ST18: variants seen among roughly 807,000 people sequenced by gnomAD.
The protein encoded by ST18 is suppression of tumorigenicity 18 protein.
In ST18, 50 loss-of-function variants were observed where a neutral mutation model predicts 110.0. The observed-to-expected ratio is 0.45, with a 90% CI of 0.36 to 0.58. ST18 has a LOEUF of 0.58. Among genes scored for constraint, ST18 ranks in the 20% least tolerant of loss-of-function variants. ST18 has a pLI of 0.00. For synonymous variants in ST18, 461 were observed against 452.4 expected, an observed-to-expected ratio of 1.02 and a Z score of -0.24; for missense variants, 1,306 against 1,280.1, an observed-to-expected ratio of 1.02 and a Z score of -0.31.
chr8:52,121,758 G>C (rs967870406), intron 23 of ST18, among the ~76,000 whole-genome samples: 2 of 152,192 alleles, frequency 1.3e-5, no homozygotes, highest in African/African-American at 2.4e-5. Flanking sequence ...GGTGTGCCCT[G>C]ATGTTTACAG....
At chr8:52,350,724 CTTT>C (rs111934110) in intron 2 of ST18, among the ~76,000 whole-genome samples, 1 of 144,124 alleles carries the variant, frequency 6.9e-6, no homozygotes. Flanking sequence ...TATATATATA[CTTT>C]TTTTTTTTTT....
chr8:52,298,330 G>A (rs1051243781), intron 2 of ST18, among the ~76,000 whole-genome samples: 2 of 152,160 alleles, frequency 1.3e-5, no homozygotes, highest in African/African-American at 4.8e-5. Context: ...CACATTCAAA[G>A]CATGGAATAT....
chr8:52,211,376 TA>T (rs772133555), intron 8 of ST18, among the ~76,000 whole-genome samples: 2 of 126,938 alleles, frequency 1.6e-5, no homozygotes, highest in Non-Finnish European at 3.4e-5. Context: ...TGGAATCATC[TA>T]ATTATTATTA....
Position 52,132,158 on chromosome 8 carries a change from A to T in ST18, c.2466T>A (p.Asp822Glu), listed in dbSNP as rs1311390477. 20 of 1,612,648 alleles carry T rather than the reference A, an allele frequency of 1.2e-5. No individual in the cohort carries two copies. The highest frequency in any genetic ancestry group is 1.7e-5 in the Non-Finnish European group (20 of 1,179,696). Reference sequence around the variant, plus strand: ...ATTTACCTGATATGTGACCTTGGCCATCACACCCTATCACAGGACATCTAG... The same window carrying T: ...ATTTACCTGATATGTGACCTTGGCCTTCACACCCTATCACAGGACATCTAG... ...PELKCPVIGC[D>E]GQGHISGKYT... Residue 822 changes from aspartate (D) to glutamate (E), a missense_variant, in exon 22 of 26, where the codon GAT (aspartate) becomes GAA (glutamate). Transcript: ENST00000689386.
intron 2 of ST18, chr8:52,294,521 A>C (rs1341244331): frequency 6.6e-6 from 1 of 152,282 alleles, no homozygotes; most frequent in Non-Finnish European, 1.5e-5. Flanking sequence ...CCAGGGACCA[A>C]GGCTTCGGAG....
chr8:52,236,266 A>G (rs186671632), intron 2 of ST18, among the ~76,000 whole-genome samples: 1 of 152,328 alleles, frequency 6.6e-6, no homozygotes, highest in East Asian at 1.9e-4. Context: ...ATTATTCCCA[A>G]CTTAAGGTGA....
At chr8:52,227,738 A>T (rs943423779) in intron 3 of ST18, among the ~76,000 whole-genome samples, 1 of 152,140 alleles carries the variant, frequency 6.6e-6, no homozygotes, top group Non-Finnish European at 1.5e-5. Context: ...GTGATTTGTC[A>T]TTCATATTGT....
At chr8:52,405,907 A>G (rs1405331556) in intron 2 of ST18, 2 of 152,194 alleles carry the variant, frequency 1.3e-5, no homozygotes, top group African/African-American at 4.8e-5. Context: ...TCCAGATGAC[A>G]TATCATTAAT....
chr8:52,163,988 G>A lies in ST18; in HGVS notation c.1398C>T (p.His466=). ...PQTGQCPDQA[H]RTSLVKQIEF... ...AGAACATCGTTAGGGGTTCATACCT[G>A]TGGGCCTGGTCAGGACACTGCCCAG... The change falls in exon 13 of 26, where the codon CAC becomes CAT. Residue 466 remains histidine (H), a splice_region_variant and synonymous_variant. Transcript: ENST00000689386. 1 of 1,612,760 alleles carries A rather than the reference G, an allele frequency of 6.2e-7. No individual in the cohort carries two copies. Among genetic ancestry groups the A allele is most frequent in the Non-Finnish European group, 8.5e-7 (1 of 1,178,848 alleles).
At chr8:52,407,669 T>C (rs1844988563) in intron 2 of ST18, 1 of 152,200 alleles carries the variant, frequency 6.6e-6, no homozygotes, top group Non-Finnish European at 1.5e-5. Flanking sequence ...AGTTTTATTA[T>C]TATTTTAGAG....
At chr8:52,115,396 T>A (rs1322917328) in intron 25 of ST18, among the ~76,000 whole-genome samples, 4 of 152,240 alleles carry the variant, frequency 2.6e-5, no homozygotes, top group Non-Finnish European at 1.5e-5. Context: ...AATACAGTCA[T>A]GCAATGCATA....
chr8:52,308,794 C>T (rs910786244), intron 2 of ST18, among the ~76,000 whole-genome samples: 11 of 152,230 alleles, frequency 7.2e-5, no homozygotes, highest in African/African-American at 2.4e-4. Flanking sequence ...AGGCCACCAG[C>T]ACTGTCTGGA....
chr8:52,225,918 AT>A (rs1239665728), intron 3 of ST18, among the ~76,000 whole-genome samples: 2 of 152,262 alleles, frequency 1.3e-5, no homozygotes, highest in African/African-American at 4.8e-5. Flanking sequence ...ATGCAAAAAA[AT>A]GACAGAAGAT....
At position 52,276,068 on chromosome 8, in the gene ST18, C is replaced by G. The variant is rs868394023; in HGVS notation, c.-464-45991G>C. Among the ~76,000 whole-genome samples the G allele has an allele frequency of 9.2e-3, 1,223 of 133,424 alleles. 19 individuals carry two copies. The highest frequency in any genetic ancestry group is 0.033 in the African/African-American group (1,149 of 35,104). The allele number at this position is 133,424 out of a possible 152,430, so 87.5% of individuals were successfully genotyped here. The stretch of plus-strand genomic sequence containing the variant: ...CACTGCACACCAGACATCACACATA[C>G]ACATCACACATGTAAGCCACACACC... On this transcript the variant is annotated intron_variant, in intron 2 of 25. Transcript: ENST00000689386.
intron 2 of ST18, among the ~76,000 whole-genome samples, chr8:52,389,352 A>AG (rs1464595322): frequency 3.3e-5 from 5 of 152,142 alleles, no homozygotes; most frequent in African/African-American, 1.2e-4. Flanking sequence ...TCCCTGGACA[A>AG]GGGATGGTGT....
At chr8:52,158,253 T>C (rs532491320) in intron 15 of ST18, among the ~76,000 whole-genome samples, 1 of 152,234 alleles carries the variant, frequency 6.6e-6, no homozygotes, top group Admixed American at 6.5e-5. Flanking sequence ...ATTAATTTCA[T>C]GGGCTTCAGA....
At chr8:52,300,072 T>C (rs1474736854) in intron 2 of ST18, among the ~76,000 whole-genome samples, 1 of 152,244 alleles carries the variant, frequency 6.6e-6, no homozygotes, top group African/African-American at 2.4e-5. Context: ...TAAATGGTTT[T>C]CAGCCTTCCG....
chr8:52,330,863 A>G (rs1437007834), intron 2 of ST18, among the ~76,000 whole-genome samples: 1 of 152,194 alleles, frequency 6.6e-6, no homozygotes, highest in Non-Finnish European at 1.5e-5. Flanking sequence ...GCCCACAGAC[A>G]AAAAAGGCAA....
At chr8:52,255,871 T>C (rs1478698734) in intron 2 of ST18, among the ~76,000 whole-genome samples, 1 of 152,240 alleles carries the variant, frequency 6.6e-6, no homozygotes, top group Non-Finnish European at 1.5e-5. Context: ...CTCAGTCTTC[T>C]CTTGCAGCAA....
Sources: allele counts gnomAD v4.1 joint callset (sites outside exome capture counted in the v4.1 genomes callset), GRCh38; gene constraint gnomAD v4.1.1; transcripts MANE v1.5; gene names NCBI Gene and HGNC (gene_info 2026-07-23, HGNC 2026-07-21).